PRKCZ: variants seen among roughly 807,000 people sequenced by gnomAD.
The protein encoded by PRKCZ is protein kinase C zeta type.
A neutral mutation model predicts 79.5 loss-of-function variants in PRKCZ; 33 were observed. That is an observed-to-expected ratio of 0.41 (90% CI 0.31 to 0.55). The LOEUF is 0.55. PRKCZ is among the 20% of genes least tolerant of loss of function. PRKCZ has a pLI of 0.19. For missense variants in PRKCZ, 578 were observed against 813.5 expected (o/e 0.71, Z 3.52); for synonymous variants, 342 against 320.9 (o/e 1.07, Z -0.70).
intron 6 of PRKCZ, chr1:2,145,187 G>C (rs1026351341): frequency 2.0e-5 from 3 of 152,286 alleles, no homozygotes; most frequent in Non-Finnish European, 4.4e-5. Context: ...CTGCCAAAAA[G>C]CCTGTAATGC....
Position 2,173,776 on chromosome 1 carries a change from C to T in PRKCZ, c.1286-121C>T, listed in dbSNP as rs1288254598. ...AGTGGAAGTCACAGAGGCCTGTGTG[C>T]CGCCTGCTCAAGCCTGGCTCACACT... On this transcript the variant is annotated intron_variant, in intron 13 of 17. Coordinates refer to ENST00000378567, the MANE Select transcript of PRKCZ (RefSeq NM_002744.6). This position sits in a 1 kb window ranked among gnomAD's most constrained non-coding sequence, Gnocchi z 5.7. 14 of 1,398,298 alleles carry T rather than the reference C, an allele frequency of 1.0e-5. No homozygotes were observed. The highest frequency in any genetic ancestry group is 1.2e-5 in the Non-Finnish European group (13 of 1,051,566). The allele number at this position is 1,398,298 out of a possible 1,614,324, so 86.6% of individuals were successfully genotyped here. A position where few individuals can be genotyped will look rare whatever the true frequency, so the allele number is the denominator to read the frequency against.
intron 4 of PRKCZ, among the ~76,000 whole-genome samples, chr1:2,124,525 A>G (rs1022923081): frequency 2.0e-5 from 3 of 152,100 alleles, no homozygotes; most frequent in African/African-American, 7.3e-5. Context: ...ACATGAGAAC[A>G]TGGTGAGCAT....
intron 10 of PRKCZ, among the ~76,000 whole-genome samples, chr1:2,158,289 CTT>C (rs913963963): frequency 3.3e-5 from 5 of 152,184 alleles, no homozygotes; most frequent in Non-Finnish European, 7.3e-5. Flanking sequence ...GATCTGAAGT[CTT>C]TTTCCTGCCT....
chr1:2,076,089 C>T (rs1166741681), intron 4 of PRKCZ, among the ~76,000 whole-genome samples: 1 of 152,164 alleles, frequency 6.6e-6, no homozygotes. Context: ...TGTCACAGGG[C>T]CAGGCCCCTG....
At chr1:2,086,698 A>C (rs777943996) in intron 4 of PRKCZ, among the ~76,000 whole-genome samples, 1 of 152,308 alleles carries the variant, frequency 6.6e-6, no homozygotes, top group Non-Finnish European at 1.5e-5. Context: ...GCGGTGGGCC[A>C]GGGGCTGCAT....
At chr1:2,073,538 C>CG in intron 4 of PRKCZ, 1 of 816,800 alleles carries the variant, frequency 1.2e-6, no homozygotes, top group Non-Finnish European at 1.5e-6. Context: ...CCGCTGAGTC[C>CG]GAGCCCTGCC....
At chr1:2,074,230 C>G in intron 4 of PRKCZ, 1 of 1,550,390 alleles carries the variant, frequency 6.4e-7, no homozygotes, top group Non-Finnish European at 8.7e-7. Context: ...ACCTTCTGAG[C>G]GAGGCAGGGG....
chr1:2,179,570 C>A (rs1421020313), intron 16 of PRKCZ, among the ~76,000 whole-genome samples: 1 of 152,242 alleles, frequency 6.6e-6, no homozygotes, highest in Non-Finnish European at 1.5e-5. Context: ...CCACCTGCTG[C>A]CCAACCCCAC....
At chr1:2,140,772 G>A (rs924565552) in intron 5 of PRKCZ, among the ~76,000 whole-genome samples, 1 of 152,114 alleles carries the variant, frequency 6.6e-6, no homozygotes, top group Admixed American at 6.5e-5. Flanking sequence ...GGTTCGAGAC[G>A]AGCCTGGCCA....
chr1:2,069,603 A>G (rs936192456), intron 4 of PRKCZ, among the ~76,000 whole-genome samples: 1 of 152,118 alleles, frequency 6.6e-6, no homozygotes, highest in Non-Finnish European at 1.5e-5. Context: ...AGGGAGGGAG[A>G]TGTCAAGACG....
At chr1:2,124,366 CACGGCGGCG>C (rs1673420977) in intron 4 of PRKCZ, among the ~76,000 whole-genome samples, 1 of 115,422 alleles carries the variant, frequency 8.7e-6, no homozygotes, top group Admixed American at 8.8e-5. Flanking sequence ...TGGTTAGGGT[CACGGCGGCG>C]GTTAGGGTCA....
At chr1:2,056,288 G>A (rs1378214435) in intron 2 of PRKCZ, among the ~76,000 whole-genome samples, 196 bp from the exon 3 acceptor site, 2 of 152,206 alleles carry the variant, frequency 1.3e-5, no homozygotes, top group Non-Finnish European at 2.9e-5. Context: ...TGGCTCTGAC[G>A]CTGCACCGGG....
intron 16 of PRKCZ, among the ~76,000 whole-genome samples, chr1:2,180,794 C>A (rs1686456344): frequency 6.6e-6 from 1 of 152,160 alleles, no homozygotes; most frequent in South Asian, 2.1e-4. Flanking sequence ...CTGGGAGTCC[C>A]ATGCTGCCCC....
In PRKCZ at chr1:2,148,425, C is replaced by T. The variant is rs996510812; in HGVS notation, c.635-447C>T. ...CCATCCATCTATTGTCCACTAACCT[C>T]TCCATCTATCCATCCATCTATTGTC... On this transcript the variant is annotated intron_variant, in intron 7 of 17. Coordinates refer to ENST00000378567, the MANE Select transcript of PRKCZ (RefSeq NM_002744.6). Among the ~76,000 whole-genome samples the T allele has an allele frequency of 1.2e-4, 18 of 152,150 alleles. 1 individual carries two copies. Among genetic ancestry groups the T allele is most frequent in the Admixed American group, 9.8e-4 (15 of 15,280 alleles).
At chr1:2,050,746 G>GCGGCGGCCGCGTCCGCCTCAA in intron 1 of PRKCZ, 45 bp downstream of exon 1, 1 of 1,047,254 alleles carries the variant, frequency 9.5e-7, no homozygotes. Context: ...GAGGCAGGGA[G>GCGGCGGCCGCGTCCGCCTCAA]GGCGGGGAGG....
At chr1:2,052,295 C>T (rs1017357241) in intron 1 of PRKCZ, among the ~76,000 whole-genome samples, 1 of 152,150 alleles carries the variant, frequency 6.6e-6, no homozygotes, top group South Asian at 2.1e-4. Context: ...TGCTTTGGCC[C>T]CTGGGAGCAC....
intron 4 of PRKCZ, among the ~76,000 whole-genome samples, chr1:2,099,915 G>C (rs1203815334): frequency 6.6e-6 from 1 of 152,198 alleles, no homozygotes; most frequent in Non-Finnish European, 1.5e-5. Flanking sequence ...ATGCCTCTGT[G>C]GGAAAAGACC....
At chr1:2,175,788 G>C (rs1303602050) in intron 16 of PRKCZ, among the ~76,000 whole-genome samples, 1 of 152,156 alleles carries the variant, frequency 6.6e-6, no homozygotes, top group African/African-American at 2.4e-5. Context: ...GGAGCCAGGA[G>C]AGTGAGGGGC....
chr1:2,100,963 G>A (rs1667338053), intron 4 of PRKCZ, among the ~76,000 whole-genome samples: 1 of 149,150 alleles, frequency 6.7e-6, no homozygotes, highest in South Asian at 2.1e-4. Context: ...TTCATCTTTC[G>A]TCCTGTGTCT....
Sources: allele counts gnomAD v4.1 joint callset (sites outside exome capture counted in the v4.1 genomes callset), GRCh38; gene constraint gnomAD v4.1.1; non-coding constraint Gnocchi (gnomAD v3.1); transcripts MANE v1.5; gene names NCBI Gene and HGNC (gene_info 2026-07-23, HGNC 2026-07-21).